The following SNX29 variants were observed in gnomAD, a reference collection of about 807,000 sequenced individuals.
The protein encoded by SNX29 is sorting nexin 29, also known as sorting nexin-29.
In SNX29, 78 loss-of-function variants were observed where a neutral mutation model predicts 102.1. That is an observed-to-expected ratio of 0.76 (90% CI 0.64 to 0.92). The LOEUF (loss-of-function observed/expected upper bound fraction) is 0.92, where lower values mean the gene tolerates loss of function less well. SNX29 is among the 40% of genes least tolerant of loss of function. The probability of loss-of-function intolerance (pLI) is 0.00; values close to 1 mark genes in which losing one functional copy is unlikely to be tolerated. For missense variants in SNX29, 1,280 were observed against 1,061.7 expected (o/e 1.21, Z -2.86); for synonymous variants, 580 against 414.5 (o/e 1.40, Z -4.85).
At chr16:12,540,848 C>G (rs1019274097) in intron 20 of SNX29, among the ~76,000 whole-genome samples, 2 of 152,220 alleles carry the variant, frequency 1.3e-5, no homozygotes, top group African/African-American at 4.8e-5. Context: ...CGCCTCCACC[C>G]TTTCTGAGCA....
chr16:12,392,267 G>A (rs1281238796), intron 16 of SNX29, among the ~76,000 whole-genome samples: 2 of 152,092 alleles, frequency 1.3e-5, no homozygotes, highest in African/African-American at 4.8e-5. Flanking sequence ...TTCATTCCTT[G>A]TTTCCAGGCT....
chr16:12,539,110 A>C (rs1567673647), intron 20 of SNX29, among the ~76,000 whole-genome samples: 3 of 152,198 alleles, frequency 2.0e-5, no homozygotes, highest in Non-Finnish European at 4.4e-5. Flanking sequence ...ACTTGCCTTT[A>C]CTTTCACAAA....
intron 4 of SNX29, among the ~76,000 whole-genome samples, chr16:12,032,749 A>G (rs909759267): frequency 3.3e-5 from 5 of 152,070 alleles, no homozygotes; most frequent in African/African-American, 1.2e-4. Flanking sequence ...AAACCATCAG[A>G]GGGTTTTCCA....
intron 16 of SNX29, among the ~76,000 whole-genome samples, chr16:12,363,551 G>A (rs72771506): frequency 0.053 from 8,008 of 152,260 alleles, 313 homozygotes; most frequent in Non-Finnish European, 0.07. Context: ...GTGAAACAGT[G>A]CTCTCTGTGC....
At chr16:12,380,421 C>G (rs1489518166) in intron 16 of SNX29, among the ~76,000 whole-genome samples, 1 of 96,284 alleles carries the variant, frequency 1.0e-5, no homozygotes, top group Non-Finnish European at 2.2e-5. Flanking sequence ...CCACCCACCC[C>G]TCATCCATCC....
intron 13 of SNX29, among the ~76,000 whole-genome samples, chr16:12,195,929 C>A (rs2076761432): frequency 6.7e-6 from 1 of 149,936 alleles, no homozygotes; most frequent in Non-Finnish European, 1.5e-5. Flanking sequence ...TCTGCCTTTG[C>A]TGGTTGTGAG....
intron 14 of SNX29, among the ~76,000 whole-genome samples, chr16:12,270,802 G>C (rs2079068829): frequency 6.6e-6 from 1 of 152,088 alleles, no homozygotes; most frequent in Non-Finnish European, 1.5e-5. Flanking sequence ...AGCACTTTGG[G>C]AGGGCAAGGC....
chr16:12,540,916 CTG>C (rs1323302044), intron 20 of SNX29, among the ~76,000 whole-genome samples: 4 of 152,310 alleles, frequency 2.6e-5, no homozygotes, highest in Non-Finnish European at 5.9e-5. Context: ...ACAGCCCTGT[CTG>C]TTCACCCCCT....
chr16:12,023,585 AAAAAGAAAAGAAAAG>A (rs767839983), intron 3 of SNX29, among the ~76,000 whole-genome samples: 1 of 149,612 alleles, frequency 6.7e-6, no homozygotes, highest in African/African-American at 2.5e-5. Context: ...CTCAAAAAAA[AAAAAGAAAAGAAAAG>A]AAAAGAAAAG....
At position 12,476,674 on chromosome 16, in the gene SNX29, C is replaced by T. The variant is rs573282328; in HGVS notation, c.2038-1045C>T. ...ATTCTGTTTCTCCATCTCACTCCATCGGAAACATCTATCCATTCGCTAATT... is the reference window on the plus strand; with the variant it reads ...ATTCTGTTTCTCCATCTCACTCCATTGGAAACATCTATCCATTCGCTAATT... On this transcript the variant is annotated intron_variant, in intron 18 of 20. Transcript: ENST00000566228. Among the ~76,000 whole-genome samples, 17 of 151,718 alleles carry T rather than the reference C, an allele frequency of 1.1e-4. No homozygotes were observed. The South Asian group carries it at 3.1e-3, about 28-fold the overall frequency.
At chr16:12,516,723 G>A (rs1416190138) in intron 19 of SNX29, among the ~76,000 whole-genome samples, 3 of 152,158 alleles carry the variant, frequency 2.0e-5, no homozygotes. Flanking sequence ...AAGAACTTTG[G>A]AAATGCAAAA....
chr16:12,277,990 A>C lies in SNX29; in HGVS notation c.1736A>C (p.Glu579Ala). The change falls in exon 15 of 21, where the codon GAA becomes GCA. Residue 579 changes from glutamate (E) to alanine (A), a missense_variant. Coordinates refer to ENST00000566228, the MANE Select transcript of SNX29 (RefSeq NM_032167.5). Reference sequence around the variant, plus strand: ...ACAGTAGCTGAACAGAAGCCGGGAGAAATTGCTGAAGAACTCGCAAGCTCC... The same window carrying C: ...ACAGTAGCTGAACAGAAGCCGGGAGCAATTGCTGAAGAACTCGCAAGCTCC... ...EVTVAEQKPG[E>A]IAEELASSYE... 6.2e-7 allele frequency: 1 copy of C among 1,608,924 alleles called. No homozygotes were observed. Among genetic ancestry groups the C allele is most frequent in the Non-Finnish European group, 8.5e-7 (1 of 1,177,666 alleles).
At chr16:12,541,756 C>T (rs16959859) in intron 20 of SNX29, among the ~76,000 whole-genome samples, 24,378 of 152,022 alleles carry the variant, frequency 0.16, 2,939 homozygotes, top group African/African-American at 0.32. Context: ...CAGCCAGTGC[C>T]TGATACTGAC....
intron 20 of SNX29, among the ~76,000 whole-genome samples, chr16:12,564,037 G>A (rs180796870): frequency 6.6e-4 from 97 of 147,460 alleles, no homozygotes; most frequent in East Asian, 3.0e-3. Context: ...GAGTTGCACC[G>A]GTAAAAGGTT....
chr16:12,570,136 G>T lies in SNX29; in HGVS notation c.*1507G>T, dbSNP rs11646569. ...AGATTGTTCATGGCCTTTAAGGAAG[G>T]CTGAGATCACTCACACACAGCGCCC... On this transcript the variant is annotated 3_prime_UTR_variant, in exon 21 of 21. Transcript: ENST00000566228. 0.14 allele frequency: 146,598 copies of T among 1,057,032 alleles called. 10,697 individuals carry two copies. Among genetic ancestry groups the T allele is most frequent in the Middle Eastern group, 0.15 (356 of 2,384 alleles). The allele number at this position is 1,057,032 out of a possible 1,614,324, so 65.5% of individuals were successfully genotyped here.
chr16:12,190,672 G>A (rs1043964575), intron 13 of SNX29, among the ~76,000 whole-genome samples: 3 of 152,178 alleles, frequency 2.0e-5, no homozygotes, highest in Non-Finnish European at 4.4e-5. Flanking sequence ...CAACAGGGAA[G>A]AGCTGTGATT....
chr16:11,983,606 T>C lies in SNX29; in HGVS notation c.7+6793T>C, dbSNP rs139065704. 1,308 of 976,332 alleles carry C rather than the reference T, an allele frequency of 1.3e-3. 14 individuals are homozygous for C. In the African/African-American group the frequency reaches 0.021, roughly 16 times the overall value. 60.5% of individuals were successfully genotyped at this position (976,332 alleles called of 1,614,324 possible). ...ATGATGGTGGAATGCAAGAAGTACA[T>C]GTTCTACCATCAGCAAACAGTTGAC... On this transcript the variant is annotated intron_variant, in intron 1 of 20. Transcript: ENST00000566228.
chr16:12,393,331 C>T (rs758093031), intron 16 of SNX29, among the ~76,000 whole-genome samples: 23 of 143,680 alleles, frequency 1.6e-4, no homozygotes, highest in Non-Finnish European at 3.2e-4. Context: ...TGCTACAAAG[C>T]AATCTAAAAA....
intron 14 of SNX29, among the ~76,000 whole-genome samples, chr16:12,210,437 T>A (rs1175614581): frequency 6.7e-6 from 1 of 149,346 alleles, no homozygotes; most frequent in Non-Finnish European, 1.5e-5. Context: ...AAGCAATCCC[T>A]CCTGCCTCGG....
Sources: gnomAD v4.1 joint callset for allele counts (sites outside exome capture counted in the v4.1 genomes callset) on GRCh38, gnomAD v4.1.1 for gene constraint, MANE v1.5 for transcripts, NCBI Gene and HGNC (gene_info 2026-07-23, HGNC 2026-07-21) for gene names.